TBCK: variants seen among roughly 807,000 people sequenced by gnomAD.
TBCK encodes the protein TBC1 domain containing kinase.
In TBCK, 99 loss-of-function variants were observed where a neutral mutation model predicts 113.4. The ratio of observed to expected loss-of-function variants is 0.87; its 90% CI spans 0.74 to 1.03. The LOEUF (loss-of-function observed/expected upper bound fraction) is 1.03, where lower values mean the gene tolerates loss of function less well. Among genes scored for constraint, TBCK ranks in the 50% least tolerant of loss-of-function variants. The pLI is 0.00. For synonymous variants in TBCK, 369 were observed against 370.8 expected (o/e 1.00, Z 0.05); for missense variants, 1,045 against 1,061.3 (o/e 0.98, Z 0.21).
Position 106,277,073 on chromosome 4 carries a change from A to G in TBCK, c.267-14861T>C, listed in dbSNP as rs752556278. ...TACATATGTGATGATATGAATACCT[A>G]ATAAGCACATGAAAAATACTCAATA... On this transcript the variant is annotated intron_variant, in intron 3 of 25. Coordinates refer to ENST00000394708, the MANE Select transcript of TBCK (RefSeq NM_001163435.3). Among the ~76,000 whole-genome samples the G allele has an allele frequency of 3.2e-4, 49 of 152,164 alleles. 1 individual carries two copies. The highest frequency in any genetic ancestry group is 4.4e-5 in the Non-Finnish European group (3 of 68,018).
At chr4:106,126,466 T>C (rs964506618) in intron 23 of TBCK, among the ~76,000 whole-genome samples, 5 of 152,188 alleles carry the variant, frequency 3.3e-5, no homozygotes, top group African/African-American at 9.7e-5. Context: ...CTATGAGGTA[T>C]GTATATGTAA....
chr4:106,200,531 C>T (rs1560808771), intron 20 of TBCK, among the ~76,000 whole-genome samples: 1 of 152,102 alleles, frequency 6.6e-6, no homozygotes, highest in Non-Finnish European at 1.5e-5. Flanking sequence ...CAGAGCAAGA[C>T]CCTGTCTCAG....
At chr4:106,124,768 G>A (rs1446308805) in intron 23 of TBCK, among the ~76,000 whole-genome samples, 1 of 151,362 alleles carries the variant, frequency 6.6e-6, no homozygotes, top group South Asian at 2.1e-4. Flanking sequence ...ACCAAACACC[G>A]CATATTCTCA....
At chr4:106,247,081 A>G (rs1163998984) in intron 10 of TBCK, 58 bp downstream of exon 10, 1 of 1,537,944 alleles carries the variant, frequency 6.5e-7, no homozygotes, top group Non-Finnish European at 8.8e-7. Context: ...AAGTAGGACA[A>G]GGAAACTTCT....
At position 106,211,422 on chromosome 4, in the gene TBCK, G is replaced by A. The variant is rs563579096; in HGVS notation, c.1860+1328C>T. ...CTTATATAAGTATTTTTCAAATTTA[G>A]GTTTATAAAATCATCTTATTAAATG... On this transcript the variant is annotated intron_variant, in intron 20 of 25. Coordinates refer to ENST00000394708, the MANE Select transcript of TBCK (RefSeq NM_001163435.3). 4.0e-5 allele frequency among the ~76,000 whole-genome samples: 6 copies of A among 151,336 alleles called. No homozygotes were observed. In the East Asian group the frequency reaches 1.2e-3, roughly 29 times the overall value.
At chr4:106,062,168 G>C (rs931614950) in intron 25 of TBCK, among the ~76,000 whole-genome samples, 1 of 151,832 alleles carries the variant, frequency 6.6e-6, no homozygotes, top group Non-Finnish European at 1.5e-5. Flanking sequence ...TTATAGATTA[G>C]TGATTAATAA....
chr4:106,285,310 T>C (rs1011612263), intron 3 of TBCK, among the ~76,000 whole-genome samples: 2 of 152,146 alleles, frequency 1.3e-5, no homozygotes, highest in African/African-American at 4.8e-5. Context: ...ATATAAATTC[T>C]CAAAAGGGTT....
intron 7 of TBCK, among the ~76,000 whole-genome samples, chr4:106,249,949 T>C (rs1001087774): frequency 2.6e-5 from 4 of 152,096 alleles, no homozygotes; most frequent in Non-Finnish European, 5.9e-5. Context: ...ACATAAATTT[T>C]TATTAATTTG....
At chr4:106,276,205 G>A (rs1764009756) in intron 3 of TBCK, among the ~76,000 whole-genome samples, 1 of 152,132 alleles carries the variant, frequency 6.6e-6, no homozygotes, top group Non-Finnish European at 1.5e-5. Context: ...AAGGCAACTG[G>A]ATATCAGTAT....
chr4:106,085,990 A>G (rs1025533425), intron 25 of TBCK, among the ~76,000 whole-genome samples: 1 of 152,192 alleles, frequency 6.6e-6, no homozygotes, highest in Non-Finnish European at 1.5e-5. Context: ...CCACATCAGA[A>G]AGCTAAAAAG....
chr4:106,183,141 G>A (rs2149784130), intron 22 of TBCK, among the ~76,000 whole-genome samples: 1 of 152,086 alleles, frequency 6.6e-6, no homozygotes, highest in African/African-American at 2.4e-5. Context: ...AGTTATCCCT[G>A]GACAGCTGCT....
intron 23 of TBCK, among the ~76,000 whole-genome samples, chr4:106,136,577 A>C (rs1482718165): frequency 7.1e-6 from 1 of 140,988 alleles, no homozygotes; most frequent in Non-Finnish European, 1.6e-5. Flanking sequence ...TACCTTTAGG[A>C]GGTATGCTGA....
At chr4:106,155,459 G>T (rs181065667) in intron 23 of TBCK, among the ~76,000 whole-genome samples, 1 of 152,154 alleles carries the variant, frequency 6.6e-6, no homozygotes, top group Non-Finnish European at 1.5e-5. Context: ...ATTCAAAGGG[G>T]TAATAACTTT....
At chr4:106,212,330 T>C (rs1756246221) in intron 20 of TBCK, among the ~76,000 whole-genome samples, 1 of 152,182 alleles carries the variant, frequency 6.6e-6, no homozygotes, top group Admixed American at 6.5e-5. Context: ...CTCTGACTTT[T>C]AGCTTGATGT....
At chr4:106,061,068 T>C (rs368166618) in intron 25 of TBCK, among the ~76,000 whole-genome samples, 1 of 151,820 alleles carries the variant, frequency 6.6e-6, no homozygotes, top group Non-Finnish European at 1.5e-5. Flanking sequence ...TTTCTTGAGA[T>C]GCAATCTACT....
chr4:106,134,302 C>T (rs546007383), intron 23 of TBCK, among the ~76,000 whole-genome samples: 1 of 151,716 alleles, frequency 6.6e-6, no homozygotes, highest in African/African-American at 2.4e-5. Flanking sequence ...TTTGCATATT[C>T]TGTGGTAATT....
chr4:106,202,242 C>G (rs1754973357), intron 20 of TBCK, among the ~76,000 whole-genome samples: 1 of 151,488 alleles, frequency 6.6e-6, no homozygotes, highest in African/African-American at 2.4e-5. Context: ...CTCCTAGGCA[C>G]TGTATAAAAT....
At chr4:106,111,224 G>A (rs376803462) in intron 24 of TBCK, among the ~76,000 whole-genome samples, 22 of 152,042 alleles carry the variant, frequency 1.4e-4, no homozygotes, top group Non-Finnish European at 2.4e-4. Flanking sequence ...ATATAGAACC[G>A]TCATACAGTC....
At chr4:106,193,936 T>C (rs926950044) in intron 21 of TBCK, among the ~76,000 whole-genome samples, 166 bp from the exon 22 acceptor site, 1 of 152,136 alleles carries the variant, frequency 6.6e-6, no homozygotes, top group African/African-American at 2.4e-5. Context: ...GCTTTGAAAA[T>C]TTATAGCTTC....
Sources: gnomAD v4.1 joint callset for allele counts (sites outside exome capture counted in the v4.1 genomes callset) on GRCh38, gnomAD v4.1.1 for gene constraint, MANE v1.5 for transcripts, NCBI Gene and HGNC (gene_info 2026-07-23, HGNC 2026-07-21) for gene names.